The following EPHA5 variants were observed in gnomAD, a reference collection of about 807,000 sequenced individuals.
EPHA5 encodes EPH receptor A5, also known as ephrin type-A receptor 5.
In EPHA5, 60 loss-of-function variants were observed where a neutral mutation model predicts 105.0. The observed-to-expected ratio is 0.57, with a 90% CI of 0.46 to 0.71. The LOEUF (loss-of-function observed/expected upper bound fraction) is 0.71. EPHA5 is among the 30% of genes least tolerant of loss of function. The probability of loss-of-function intolerance (pLI) is 0.00; values close to 1 mark genes in which losing one functional copy is unlikely to be tolerated. For synonymous variants in EPHA5, 513 were observed against 449.1 expected (o/e 1.14, Z -1.80); for missense variants, 1,218 against 1,274.7 (o/e 0.96, Z 0.68).
chr4:65,413,780 G>A (rs1339444178), intron 7 of EPHA5, among the ~76,000 whole-genome samples: 2 of 152,070 alleles, frequency 1.3e-5, no homozygotes, highest in African/African-American at 4.8e-5. Context: ...GATTCAAAAA[G>A]GGTGCTCCAA....
At chr4:65,454,540 G>C in intron 5 of EPHA5, among the ~76,000 whole-genome samples, 1 of 152,124 alleles carries the variant, frequency 6.6e-6, no homozygotes, top group East Asian at 1.9e-4. Context: ...AGATTCAACA[G>C]CTTCTAGAAT....
At chr4:65,568,692 C>T (rs890596954) in intron 3 of EPHA5, among the ~76,000 whole-genome samples, 4 of 150,804 alleles carry the variant, frequency 2.7e-5, no homozygotes, top group African/African-American at 7.3e-5. Flanking sequence ...GTAAATATGT[C>T]ATATCAATAG....
At chr4:65,498,829 T>G (rs1442596585) in intron 3 of EPHA5, among the ~76,000 whole-genome samples, 2 of 151,722 alleles carry the variant, frequency 1.3e-5, no homozygotes, top group African/African-American at 4.8e-5. Context: ...AAAAAAAACC[T>G]GTGTGGTTCA....
At chr4:65,364,235 G>A (rs1717631128) in intron 11 of EPHA5, among the ~76,000 whole-genome samples, 2 of 151,564 alleles carry the variant, frequency 1.3e-5, no homozygotes, top group African/African-American at 2.4e-5. Context: ...TTAAGATATG[G>A]ATTTCGGTAA....
intron 3 of EPHA5, chr4:65,573,437 AAGC>A: frequency 9.6e-7 from 1 of 1,041,408 alleles, no homozygotes; most frequent in Admixed American, 2.8e-5. Flanking sequence ...AAAAAAAAAG[AAGC>A]TCTTTCCCAT....
chr4:65,467,896 C>A, intron 5 of EPHA5, among the ~76,000 whole-genome samples: 1 of 152,050 alleles, frequency 6.6e-6, no homozygotes, highest in East Asian at 1.9e-4. Context: ...AACATTTGAG[C>A]CATCATTGCT....
At position 65,331,458 on chromosome 4, in the gene EPHA5, T is replaced by C. The variant is rs981870928; in HGVS notation, c.2945+515A>G. ...ATCAGAGGCGGGATCTGATACATCCTTAGATTGAAAGAATGTAAGGTGCAC... is the reference window on the plus strand; with the variant it reads ...ATCAGAGGCGGGATCTGATACATCCCTAGATTGAAAGAATGTAAGGTGCAC... On this transcript the variant is annotated intron_variant, in intron 16 of 16. Coordinates refer to ENST00000613740, the MANE Select transcript of EPHA5 (RefSeq NM_001281766.3). The C allele has an allele frequency of 7.0e-5, 73 of 1,047,766 alleles. 2 individuals carry two copies. In the South Asian group the frequency reaches 2.9e-3, roughly 42 times the overall value. 64.9% of individuals were successfully genotyped at this position (1,047,766 alleles called of 1,614,324 possible).
At chr4:65,530,304 T>C (rs1207381933) in intron 3 of EPHA5, among the ~76,000 whole-genome samples, 1 of 152,134 alleles carries the variant, frequency 6.6e-6, no homozygotes, top group Non-Finnish European at 1.5e-5. Context: ...TATGAGCAGT[T>C]GATTCTGAAA....
chr4:65,392,522 A>G (rs576066098), intron 8 of EPHA5, among the ~76,000 whole-genome samples: 1 of 152,250 alleles, frequency 6.6e-6, no homozygotes, highest in East Asian at 1.9e-4. Flanking sequence ...CAAATATATC[A>G]ATTTATAAAA....
chr4:65,574,282 T>C, intron 3 of EPHA5: 1 of 1,585,786 alleles, frequency 6.3e-7, no homozygotes, highest in South Asian at 1.1e-5. Flanking sequence ...TTGCGATCTG[T>C]GTTTGCCCTG....
intron 5 of EPHA5, among the ~76,000 whole-genome samples, chr4:65,483,663 T>A (rs1343569711): frequency 1.3e-5 from 2 of 152,214 alleles, no homozygotes; most frequent in African/African-American, 4.8e-5. Context: ...GTAGAAGTTA[T>A]TAGGGTCACG....
chr4:65,628,731 C>T (rs1272903471), intron 2 of EPHA5, among the ~76,000 whole-genome samples: 1 of 152,144 alleles, frequency 6.6e-6, no homozygotes, highest in African/African-American at 2.4e-5. Flanking sequence ...ATGTCTTTAA[C>T]TGTGCAGATT....
intron 3 of EPHA5, among the ~76,000 whole-genome samples, chr4:65,502,113 A>T (rs1732551130): frequency 6.6e-6 from 1 of 151,866 alleles, no homozygotes; most frequent in Non-Finnish European, 1.5e-5. Flanking sequence ...AAGATGAACT[A>T]AAGACTTAAA....
intron 1 of EPHA5, among the ~76,000 whole-genome samples, chr4:65,656,953 G>GT (rs564679940): frequency 0.3 from 42,679 of 143,608 alleles, 6,570 homozygotes; most frequent in East Asian, 0.56. Flanking sequence ...ACGTGTGTGT[G>GT]TTTTTTTTTT....
chr4:65,531,010 T>A (rs559292454), intron 3 of EPHA5, among the ~76,000 whole-genome samples: 24 of 131,684 alleles, frequency 1.8e-4, no homozygotes, highest in Non-Finnish European at 1.8e-4. Context: ...TTTTTTATTT[T>A]TTTTATTTTT....
chr4:65,545,578 T>C (rs1560677416), intron 3 of EPHA5, among the ~76,000 whole-genome samples: 1 of 151,842 alleles, frequency 6.6e-6, no homozygotes, highest in African/African-American at 2.4e-5. Context: ...TGAATTGACA[T>C]AATAGGACAC....
At chr4:65,665,361 A>G (rs1749878632) in intron 1 of EPHA5, among the ~76,000 whole-genome samples, 1 of 152,076 alleles carries the variant, frequency 6.6e-6, no homozygotes, top group South Asian at 2.1e-4. Flanking sequence ...TTATTTTCTC[A>G]ATGGTAGCAA....
chr4:65,326,900 T>C (rs1292177602), intron 16 of EPHA5, among the ~76,000 whole-genome samples: 2 of 151,254 alleles, frequency 1.3e-5, no homozygotes, highest in Non-Finnish European at 3.0e-5. Context: ...AAAGAATTTA[T>C]AAGTTCTCTT....
intron 1 of EPHA5, among the ~76,000 whole-genome samples, chr4:65,656,288 T>C (rs1411712780): frequency 6.6e-6 from 1 of 151,444 alleles, no homozygotes; most frequent in Non-Finnish European, 1.5e-5. Flanking sequence ...TGGGGTTCTC[T>C]CAAACCCCAG....
Sources: allele counts gnomAD v4.1 joint callset (sites outside exome capture counted in the v4.1 genomes callset), GRCh38; gene constraint gnomAD v4.1.1; transcripts MANE v1.5; gene names NCBI Gene and HGNC (gene_info 2026-07-23, HGNC 2026-07-21).